Variants in BMPR1B observed in about 807,000 individuals in gnomAD.
BMPR1B encodes bone morphogenetic protein receptor type 1B, also known as bone morphogenetic protein receptor type-1B.
In BMPR1B, 12 loss-of-function variants were observed where a neutral mutation model predicts 59.1. The ratio of observed to expected loss-of-function variants is 0.20; its 90% CI spans 0.13 to 0.33. The LOEUF is 0.33. Among genes scored for constraint, BMPR1B ranks in the 10% least tolerant of loss-of-function variants. The probability of loss-of-function intolerance (pLI) is 1.00; values close to 1 mark genes in which losing one functional copy is unlikely to be tolerated. For synonymous variants in BMPR1B, 237 were observed against 207.3 expected (o/e 1.14, Z -1.23); for missense variants, 550 against 610.9 (o/e 0.90, Z 1.05).
chr4:94,951,633 T>C lies in BMPR1B; in HGVS notation c.-112-44407T>C, dbSNP rs1729942686. ...CGACTTGATCGTGGTGGATAAGGTTTGTGATGTGCTGCTGGATTCGTTTTG... is the reference window on the plus strand; with the variant it reads ...CGACTTGATCGTGGTGGATAAGGTTCGTGATGTGCTGCTGGATTCGTTTTG... On this transcript the variant is annotated intron_variant, in intron 2 of 12. Coordinates refer to ENST00000515059, the MANE Select transcript of BMPR1B (RefSeq NM_001203.3). Among the ~76,000 whole-genome samples, 6 of 152,328 alleles carry C rather than the reference T, an allele frequency of 3.9e-5. No individual in the cohort carries two copies. In the South Asian group the frequency reaches 1.0e-3, roughly 26 times the overall value.
chr4:94,858,064 G>T (rs13104253), intron 1 of BMPR1B, among the ~76,000 whole-genome samples: 28,332 of 151,852 alleles, frequency 0.19, 2,827 homozygotes, highest in South Asian at 0.23. Flanking sequence ...TCCTGCCTCA[G>T]TCTCCCGAGT....
chr4:94,970,312 C>CTT (rs1730736649), intron 2 of BMPR1B, among the ~76,000 whole-genome samples: 6 of 96,382 alleles, frequency 6.2e-5, no homozygotes, highest in East Asian at 2.7e-4. Flanking sequence ...TTCTTTCTCT[C>CTT]TCTCTTTCTC....
intron 2 of BMPR1B, among the ~76,000 whole-genome samples, chr4:94,902,328 T>G (rs915076962): frequency 6.7e-6 from 1 of 149,078 alleles, no homozygotes; most frequent in Non-Finnish European, 1.5e-5. Context: ...AAATAATTCA[T>G]GTAATATAAT....
intron 1 of BMPR1B, among the ~76,000 whole-genome samples, chr4:94,862,070 C>A (rs1281895330): frequency 1.3e-5 from 2 of 151,422 alleles, no homozygotes; most frequent in African/African-American, 2.4e-5. Flanking sequence ...TACCTGTCAA[C>A]CAACACCTAA....
In BMPR1B at chr4:95,154,869, A is replaced by G. The variant is rs1836261; in HGVS notation, c.*196A>G. 406,521 of 679,040 alleles carry G rather than the reference A, an allele frequency of 0.6. 124,008 individuals carry two copies. The highest frequency in any genetic ancestry group is 0.74 in the African/African-American group (41,086 of 55,176). The allele number at this position is 679,040 out of a possible 1,614,324, so 42.1% of individuals were successfully genotyped here. A position where few individuals can be genotyped will look rare whatever the true frequency, so the allele number is the denominator to read the frequency against. ...AGCTCCCAGAAGGAGAGATTGATCC[A>G]TGTCTGTTTGTAGGACGGAGAAACC... On this transcript the variant is annotated 3_prime_UTR_variant, in exon 13 of 13. Transcript: ENST00000515059.
At chr4:94,872,063 C>G (rs1726522454) in intron 1 of BMPR1B, among the ~76,000 whole-genome samples, 1 of 152,136 alleles carries the variant, frequency 6.6e-6, no homozygotes, top group South Asian at 2.1e-4. Flanking sequence ...TCTTTATAAT[C>G]ATTTTAAGCT....
At chr4:95,061,212 A>ACACACACACACAC (rs1560624940) in intron 3 of BMPR1B, among the ~76,000 whole-genome samples, 6 of 131,652 alleles carry the variant, frequency 4.6e-5, no homozygotes, top group Non-Finnish European at 6.6e-5. Flanking sequence ...CACACACACC[A>ACACACACACACAC]CACACCCCTC....
rs141438374 is a variant in BMPR1B, at chr4:95,155,583, G to A, written c.*910G>A. The A allele has an allele frequency of 7.0e-6, 1 of 143,758 alleles. No individual in the cohort carries two copies. Among genetic ancestry groups the A allele is most frequent in the East Asian group, 2.1e-4 (1 of 4,672 alleles). 8.9% of individuals were successfully genotyped at this position (143,758 alleles called of 1,614,324 possible). A position where few individuals can be genotyped will look rare whatever the true frequency, so the allele number is the denominator to read the frequency against. ...TCAATATTAAATAAAATTGTCATGA[G>A]CTGTGTTGAAGACAGGGTGCTTTCA... On this transcript the variant is annotated 3_prime_UTR_variant, in exon 13 of 13. Coordinates refer to ENST00000515059, the MANE Select transcript of BMPR1B (RefSeq NM_001203.3).
intron 2 of BMPR1B, among the ~76,000 whole-genome samples, chr4:94,923,384 T>A (rs1445155944): frequency 2.6e-5 from 4 of 152,070 alleles, no homozygotes; most frequent in Non-Finnish European, 5.9e-5. Flanking sequence ...AAATTTTGGA[T>A]TTATGAAAGG....
chr4:94,771,083 A>G lies in BMPR1B; in HGVS notation c.-183+13015A>G, dbSNP rs1034367016. Among the ~76,000 whole-genome samples the G allele has an allele frequency of 3.3e-5, 5 of 152,264 alleles. No homozygotes were observed. The East Asian group carries it at 7.7e-4, about 23-fold the overall frequency. On this transcript the variant is annotated intron_variant, in intron 1 of 12. Transcript: ENST00000515059. ...GAGGTGACATTGAGACTTAATGTAG[A>G]TGGTTGAAATGCAAGTACATACAAG...
In BMPR1B at chr4:95,138,312, C is replaced by T. The variant is rs576994371; in HGVS notation, c.1076+6800C>T. On this transcript the variant is annotated intron_variant, in intron 10 of 12. Coordinates refer to ENST00000515059, the MANE Select transcript of BMPR1B (RefSeq NM_001203.3). The stretch of plus-strand genomic sequence containing the variant: ...GATGGGCTTCCCTTTGTGGCTAACC[C>T]GACCTTTCTCTCTGACTGCCCTTAA... 3.1e-4 allele frequency among the ~76,000 whole-genome samples: 47 copies of T among 152,154 alleles called. 1 individual carries two copies. The South Asian group carries it at 8.5e-3, about 28-fold the overall frequency.
At chr4:95,061,603 A>C (rs900129001) in intron 3 of BMPR1B, among the ~76,000 whole-genome samples, 13 of 152,206 alleles carry the variant, frequency 8.5e-5, no homozygotes, top group African/African-American at 3.1e-4. Flanking sequence ...TCATTTTTGA[A>C]AGCGAAGAAA....
chr4:94,759,821 A>G (rs1721689904), intron 1 of BMPR1B, among the ~76,000 whole-genome samples: 1 of 152,230 alleles, frequency 6.6e-6, no homozygotes, highest in East Asian at 1.9e-4. Flanking sequence ...TCATTGTGCA[A>G]TGCAAAAAAG....
intron 2 of BMPR1B, among the ~76,000 whole-genome samples, chr4:94,901,065 A>G (rs918548599): frequency 2.0e-5 from 3 of 151,940 alleles, no homozygotes; most frequent in Non-Finnish European, 4.4e-5. Context: ...CTTTTCTGTT[A>G]ATACTTTGTG....
intron 2 of BMPR1B, among the ~76,000 whole-genome samples, chr4:94,881,981 G>A (rs1175914703): frequency 6.6e-6 from 1 of 152,104 alleles, no homozygotes; most frequent in Non-Finnish European, 1.5e-5. Context: ...ATGAGGCTTT[G>A]GAAAATACCC....
intron 3 of BMPR1B, among the ~76,000 whole-genome samples, chr4:95,082,679 C>T (rs753676190): frequency 5.9e-5 from 9 of 152,000 alleles, no homozygotes; most frequent in African/African-American, 9.7e-5. Context: ...GTTTTATTAA[C>T]GTAATATTCA....
At chr4:94,949,336 G>A (rs1202786991) in intron 2 of BMPR1B, among the ~76,000 whole-genome samples, 1 of 37,940 alleles carries the variant, frequency 2.6e-5, no homozygotes, top group East Asian at 3.0e-4. Flanking sequence ...TTGAGACGGA[G>A]TCTCGCTCTG....
chr4:94,760,732 A>G (rs1721730279), intron 1 of BMPR1B, among the ~76,000 whole-genome samples: 1 of 152,212 alleles, frequency 6.6e-6, no homozygotes, highest in South Asian at 2.1e-4. Context: ...GAGGTGAGAT[A>G]GTGTCCCTTG....
intron 1 of BMPR1B, among the ~76,000 whole-genome samples, chr4:94,864,462 T>C (rs1286355973): frequency 6.6e-6 from 1 of 152,084 alleles, no homozygotes. Flanking sequence ...TGGGAAGTCA[T>C]TTTGGATATT....
Sources: gnomAD v4.1 joint callset for allele counts (sites outside exome capture counted in the v4.1 genomes callset) on GRCh38, gnomAD v4.1.1 for gene constraint, MANE v1.5 for transcripts, NCBI Gene and HGNC (gene_info 2026-07-23, HGNC 2026-07-21) for gene names.